The following IL3RA variants were observed in gnomAD, a reference collection of about 807,000 sequenced individuals.
The protein encoded by IL3RA is interleukin 3 receptor subunit alpha.
A neutral mutation model predicts 52.3 loss-of-function variants in IL3RA; 73 were observed. That is an observed-to-expected ratio of 1.40 (90% CI 1.16 to 1.70). IL3RA has a LOEUF of 1.70. Ranked by LOEUF, IL3RA falls within the 40% of genes most tolerant of loss-of-function variation. IL3RA has a pLI of 0.00. For missense variants in IL3RA, 664 were observed against 504.4 expected (o/e 1.32, Z -3.03); for synonymous variants, 260 against 194.0 (o/e 1.34, Z -2.83).
chrX:1,364,018 TA>T (rs1209077832), intron 8 of IL3RA, among the ~76,000 whole-genome samples: 75 of 140,120 alleles, frequency 5.4e-4, no homozygotes, highest in Non-Finnish European at 4.3e-4. Context: ...CTGTCTCTAC[TA>T]AAAAAAAAAA....
rs770774816 is a variant in IL3RA at position 1,358,296 on chromosome X, C to T, written c.733-565C>T. On this transcript the variant is annotated intron_variant, in intron 7 of 11. Transcript: ENST00000331035. ...TGCATCTGGACACAGTCTGGGAGGA[C>T]GGTGGGTCTTGTTTGTCCACCGGCC... 1.1e-3 allele frequency among the ~76,000 whole-genome samples: 169 copies of T among 152,066 alleles called. 1 individual carries two copies. Among genetic ancestry groups the T allele is most frequent in the Admixed American group, 0.01 (154 of 15,232 alleles).
chrX:1,377,099 G>GA (rs375752752), intron 9 of IL3RA, among the ~76,000 whole-genome samples: 3,396 of 112,380 alleles, frequency 0.03, 108 homozygotes, highest in East Asian at 0.13. Context: ...ACAACCCTGT[G>GA]GGACACGGAG....
At chrX:1,341,960 G>T (rs1277955943) in intron 2 of IL3RA, 131 bp downstream of exon 2, 2 of 951,416 alleles carry the variant, frequency 2.1e-6, no homozygotes, top group Non-Finnish European at 3.4e-6. Context: ...TGCAGTGGTC[G>T]GGAATGACTC....
intron 8 of IL3RA, among the ~76,000 whole-genome samples, chrX:1,361,567 T>C (rs1374022377): frequency 1.3e-5 from 2 of 151,802 alleles, no homozygotes; most frequent in Admixed American, 6.6e-5. Context: ...CTGGCCAACA[T>C]GGTGAAACCT....
Position 1,378,661 on chromosome X carries a change from T to C in IL3RA, c.877T>C (p.Cys293Arg). 2 of 1,611,974 alleles carry C rather than the reference T, an allele frequency of 1.2e-6. No homozygotes were observed. Among genetic ancestry groups the C allele is most frequent in the Non-Finnish European group, 1.7e-6 (2 of 1,179,618 alleles). The stretch of plus-strand genomic sequence containing the variant: ...ACCCTCTCACCCTTTACCCCTAGAG[T>C]GCGACCAGGAGGAGGGCGCAAACAC... ...SAWSTPQRFECDQEEGANTRA... is the reference protein window; with the variant it reads ...SAWSTPQRFERDQEEGANTRA... The change falls in exon 10 of 12, where the codon TGC (cysteine) becomes CGC (arginine). Residue 293 changes from cysteine (C) to arginine (R), a missense_variant and splice_region_variant. Cys to Arg is a radical substitution (Grantham distance 180). Coordinates refer to ENST00000331035, the MANE Select transcript of IL3RA (RefSeq NM_002183.4).
rs1294143745 is a variant in IL3RA, at chrX:1,377,072, C to G, written c.875-1587C>G. ...CTCATAAGAAGAGGAGATGAGGACA[C>G]AGACACACACCAAGGGACAACCCTG... On this transcript the variant is annotated intron_variant, in intron 9 of 11. Transcript: ENST00000331035. Among the ~76,000 whole-genome samples, 6 of 141,614 alleles carry G rather than the reference C, an allele frequency of 4.2e-5. No individual in the cohort carries two copies. The East Asian group carries it at 1.1e-3, about 25-fold the overall frequency. 92.9% of individuals were successfully genotyped at this position (141,614 alleles called of 152,430 possible).
At chrX:1,367,437 A>C (rs1333797491) in intron 9 of IL3RA, among the ~76,000 whole-genome samples, 7 of 29,172 alleles carry the variant, frequency 2.4e-4, no homozygotes, top group African/African-American at 3.1e-4. Context: ...GCGCGGGGTG[A>C]GCCGGGTGCG....
At position 1,348,024 on chromosome X, in the gene IL3RA, G is replaced by A. The variant is rs544352299; in HGVS notation, c.184-407G>A. Among the ~76,000 whole-genome samples the A allele has an allele frequency of 2.9e-3, 315 of 106,952 alleles. 1 individual carries two copies. Among genetic ancestry groups the A allele is most frequent in the Middle Eastern group, 7.9e-3 (1 of 126 alleles). 70.2% of individuals were successfully genotyped at this position (106,952 alleles called of 152,430 possible). On this transcript the variant is annotated intron_variant, in intron 3 of 11. Transcript: ENST00000331035. ...TGCACTCCAGCCTGGGCGACAGAGC[G>A]AGACTCCCTCTCAAAAAAAAAAAAA...
rs35294981 is a variant in IL3RA at position 1,382,670 on chromosome X, AT to A, written c.*218del. ...TGTGTGTTTATTTCATGATAAAGTG[AT>A]TTTTTTTTTTTTAACCCACTCACTG... On this transcript the variant is annotated 3_prime_UTR_variant, in exon 12 of 12. Coordinates refer to ENST00000331035, the MANE Select transcript of IL3RA (RefSeq NM_002183.4). 26,508 of 517,162 alleles carry A rather than the reference AT, an allele frequency of 0.051. No individual in the cohort carries two copies. Among genetic ancestry groups the A allele is most frequent in the East Asian group, 0.14 (4,004 of 29,358 alleles). The allele number at this position is 517,162 out of a possible 1,614,324, so 32.0% of individuals were successfully genotyped here. A position where few individuals can be genotyped will look rare whatever the true frequency, so the allele number is the denominator to read the frequency against.
chrX:1,348,644 CTCTTTCTT>C (rs762100895), intron 4 of IL3RA, 99 bp downstream of exon 4: 6,525 of 496,568 alleles, frequency 0.013, 356 homozygotes, highest in African/African-American at 0.055. Flanking sequence ...TTTTCTTTTT[CTCTTTCTT>C]TCTTTCTTTC....
rs1349065201 is a variant in IL3RA at position 1,370,780 on chromosome X, C to A, written c.874+5528C>A. ...ATAAGAAGAGACGAGGACACAGACACACAGAGAGGGACGACCCTGTGAGGA... is the reference window on the plus strand; with the variant it reads ...ATAAGAAGAGACGAGGACACAGACAAACAGAGAGGGACGACCCTGTGAGGA... On this transcript the variant is annotated intron_variant, in intron 9 of 11. Transcript: ENST00000331035. Among the ~76,000 whole-genome samples the A allele has an allele frequency of 5.5e-5, 4 of 72,382 alleles. 1 individual carries two copies. The highest frequency in any genetic ancestry group is 7.5e-5 in the Non-Finnish European group (3 of 40,120). 47.5% of individuals were successfully genotyped at this position (72,382 alleles called of 152,430 possible).
intron 8 of IL3RA, among the ~76,000 whole-genome samples, chrX:1,359,201 A>ACGG (rs1321227851): frequency 6.6e-6 from 1 of 151,882 alleles, no homozygotes; most frequent in Non-Finnish European, 1.5e-5. Context: ...TGCTGTCCAA[A>ACGG]CGAGGTCCAC....
At position 1,356,748 on chromosome X, in the gene IL3RA, G is replaced by C. The variant is rs28459880; in HGVS notation, c.732+412G>C. On this transcript the variant is annotated intron_variant, in intron 7 of 11. Transcript: ENST00000331035. ...GATCGCGCCATTGCACTCCAGCCTG[G>C]GCGACAGAGCGAGACTCCGTCTCAA... Among the ~76,000 whole-genome samples the C allele has an allele frequency of 8.7e-4, 132 of 151,492 alleles. 1 individual carries two copies. Among genetic ancestry groups the C allele is most frequent in the African/African-American group, 3.1e-3 (130 of 41,332 alleles).
intron 3 of IL3RA, among the ~76,000 whole-genome samples, chrX:1,346,298 G>A (rs2085739194): frequency 6.6e-6 from 1 of 151,936 alleles, no homozygotes; most frequent in Admixed American, 6.6e-5. Context: ...AATTAGCTGG[G>A]CATGGTGGTG....
chrX:1,345,006 C>CAAAAAA (rs59723587), intron 2 of IL3RA, among the ~76,000 whole-genome samples: 77 of 138,792 alleles, frequency 5.5e-4, no homozygotes, highest in Non-Finnish European at 4.0e-4. Flanking sequence ...ACTAAAAATA[C>CAAAAAA]AAAAAAAAAA....
chrX:1,346,761 G>A (rs1345464544), intron 3 of IL3RA, among the ~76,000 whole-genome samples: 1 of 151,442 alleles, frequency 6.6e-6, no homozygotes, highest in African/African-American at 2.5e-5. Context: ...TGGCCCAGGT[G>A]ACACTGTGAG....
At chrX:1,352,592 G>A in intron 6 of IL3RA, 86 bp downstream of exon 6, 1 of 1,370,006 alleles carries the variant, frequency 7.3e-7, no homozygotes, top group Non-Finnish European at 1.0e-6. Flanking sequence ...GGACCACGTG[G>A]CTCCCAACGC....
intron 7 of IL3RA, among the ~76,000 whole-genome samples, chrX:1,358,223 C>G (rs2086886663): frequency 1.3e-5 from 2 of 152,146 alleles, no homozygotes; most frequent in Admixed American, 1.3e-4. Flanking sequence ...GTTGCACCCC[C>G]TACCTAGTTC....
At chrX:1,345,805 T>TG in intron 3 of IL3RA, among the ~76,000 whole-genome samples, 1 of 152,052 alleles carries the variant, frequency 6.6e-6, no homozygotes, top group Non-Finnish European at 1.5e-5. Context: ...TCTCTAATGT[T>TG]GACGAACAAG....
Sources: gnomAD v4.1 joint callset for allele counts (sites outside exome capture counted in the v4.1 genomes callset) on GRCh38, gnomAD v4.1.1 for gene constraint, MANE v1.5 for transcripts, NCBI Gene and HGNC (gene_info 2026-07-23, HGNC 2026-07-21) for gene names.